SUDS3: variants seen among roughly 807,000 people sequenced by gnomAD.
The protein encoded by SUDS3 is SIN3A corepressor complex component SDS3, also known as sin3 histone deacetylase corepressor complex component SDS3.
SUDS3 carries 23 observed loss-of-function variants against 53.5 expected under a neutral mutation model. The ratio of observed to expected loss-of-function variants is 0.43; its 90% CI spans 0.31 to 0.61. The LOEUF (loss-of-function observed/expected upper bound fraction) is 0.61. SUDS3 is among the 20% of genes least tolerant of loss of function. SUDS3 has a pLI of 0.10. For missense variants in SUDS3, 291 were observed against 405.9 expected (o/e 0.72, Z 2.43); for synonymous variants, 150 against 148.5 (o/e 1.01, Z -0.08).
At chr12:118,406,611 TAG>T (rs1044100290) in intron 10 of SUDS3, among the ~76,000 whole-genome samples, 34 of 152,210 alleles carry the variant, frequency 2.2e-4, no homozygotes, top group African/African-American at 7.9e-4. Flanking sequence ...TACAAAGTAA[TAG>T]AGTCAGTTTG....
At chr12:118,378,703 T>G (rs183497644) in intron 1 of SUDS3, among the ~76,000 whole-genome samples, 31 of 152,088 alleles carry the variant, frequency 2.0e-4, no homozygotes, top group South Asian at 1.9e-3. Context: ...GAGATGGAGT[T>G]TCACTCTTGT....
chr12:118,383,206 G>A (rs960154480), intron 2 of SUDS3, among the ~76,000 whole-genome samples: 2 of 152,156 alleles, frequency 1.3e-5, no homozygotes, highest in Admixed American at 6.5e-5. Context: ...ATACCAAAAG[G>A]TTATTGTGCT....
intron 6 of SUDS3, among the ~76,000 whole-genome samples, chr12:118,395,312 G>A (rs1234484929): frequency 1.4e-5 from 2 of 138,852 alleles, no homozygotes; most frequent in Non-Finnish European, 3.0e-5. Context: ...TGCAAGCTCC[G>A]CCTCCCGGGT....
chr12:118,392,033 G>A (rs962779094), intron 6 of SUDS3, among the ~76,000 whole-genome samples: 7 of 152,240 alleles, frequency 4.6e-5, no homozygotes, highest in South Asian at 2.1e-4. Context: ...GTTGCCATAT[G>A]TAGACTGATG....
Position 118,387,872 on chromosome 12 carries a change from C to T in SUDS3, c.340+1687C>T, listed in dbSNP as rs576709698. On this transcript the variant is annotated intron_variant, in intron 4 of 11. Transcript: ENST00000543473. Reference sequence around the variant, plus strand: ...TGCCCGGCCCTCATGTGTTCTTTCACATTTCTCTCTCCTAGGTAAAAATGC... The same window carrying T: ...TGCCCGGCCCTCATGTGTTCTTTCATATTTCTCTCTCCTAGGTAAAAATGC... Among the ~76,000 whole-genome samples the T allele has an allele frequency of 1.6e-4, 24 of 152,254 alleles. No homozygotes were observed. In the South Asian group the frequency reaches 5.0e-3, roughly 32 times the overall value.
chr12:118,388,425 C>T lies in SUDS3; in HGVS notation c.341-1502C>T, dbSNP rs575426605. The stretch of plus-strand genomic sequence containing the variant: ...CCCTGGAGAATCTTTGTGGACTGTA[C>T]GCACAGCCCCCTGTCACCCAGGAAA... On this transcript the variant is annotated intron_variant, in intron 4 of 11. Transcript: ENST00000543473. Among the ~76,000 whole-genome samples, 81 of 152,246 alleles carry T rather than the reference C, an allele frequency of 5.3e-4. 1 individual carries two copies. Among genetic ancestry groups the T allele is most frequent in the South Asian group, 2.5e-3 (12 of 4,826 alleles).
chr12:118,394,968 A>T lies in SUDS3; in HGVS notation c.517+3686A>T, dbSNP rs547921946. Among the ~76,000 whole-genome samples, 33 of 152,274 alleles carry T rather than the reference A, an allele frequency of 2.2e-4. 1 individual carries two copies. The South Asian group carries it at 6.8e-3, about 32-fold the overall frequency. Reference sequence around the variant, plus strand: ...CCAAAGTGCTGGGATTACAGGAGTGAGCTACTACATCTGGCTTTTTTACTC... The same window carrying T: ...CCAAAGTGCTGGGATTACAGGAGTGTGCTACTACATCTGGCTTTTTTACTC... On this transcript the variant is annotated intron_variant, in intron 6 of 11. Transcript: ENST00000543473.
chr12:118,404,978 G>C (rs2046296915), intron 10 of SUDS3, among the ~76,000 whole-genome samples: 1 of 152,176 alleles, frequency 6.6e-6, no homozygotes, highest in African/African-American at 2.4e-5. Context: ...AGTAGATGCT[G>C]GAGGCTGGCT....
At chr12:118,401,576 A>G (rs2046262901) in intron 7 of SUDS3, among the ~76,000 whole-genome samples, 183 bp from the exon 8 acceptor site, 1 of 152,166 alleles carries the variant, frequency 6.6e-6, no homozygotes, top group Non-Finnish European at 1.5e-5. Context: ...GAATTCTTTT[A>G]TGTATTGAAG....
chr12:118,395,416 T>C (rs1037136052), intron 6 of SUDS3, among the ~76,000 whole-genome samples: 3 of 151,418 alleles, frequency 2.0e-5, no homozygotes, highest in African/African-American at 7.3e-5. Flanking sequence ...TTAGTAGTGA[T>C]GGGGTTTCAC....
At chr12:118,392,390 A>T (rs912727320) in intron 6 of SUDS3, among the ~76,000 whole-genome samples, 1 of 152,118 alleles carries the variant, frequency 6.6e-6, no homozygotes, top group Non-Finnish European at 1.5e-5. Flanking sequence ...AATCCTCATG[A>T]TACACTTAAG....
chr12:118,381,084 G>T (rs1445722838), intron 2 of SUDS3, among the ~76,000 whole-genome samples: 1 of 152,190 alleles, frequency 6.6e-6, no homozygotes, highest in Non-Finnish European at 1.5e-5. Flanking sequence ...GGGTTCTCAG[G>T]TGAGTGTAAA....
chr12:118,403,818 G>A (rs923076101), intron 10 of SUDS3, among the ~76,000 whole-genome samples: 2 of 152,108 alleles, frequency 1.3e-5, no homozygotes, highest in African/African-American at 4.8e-5. Context: ...TGGGGTGTAT[G>A]TCCCCCCTCT....
At chr12:118,411,398 C>T (rs146706840) in intron 11 of SUDS3, among the ~76,000 whole-genome samples, 71 of 152,272 alleles carry the variant, frequency 4.7e-4, no homozygotes, top group South Asian at 2.1e-3. Context: ...TGTGAACTCC[C>T]GGTACAGCTA....
rs1392775216 is a variant in SUDS3 at position 118,399,237 on chromosome 12, TCAGCCTGTAATCC to T, written c.518-1417_518-1405del. Among the ~76,000 whole-genome samples the T allele has an allele frequency of 3.3e-5, 5 of 152,078 alleles. 1 individual carries two copies. In the East Asian group the frequency reaches 5.8e-4, roughly 18 times the overall value. ...TAAGAAGATGGCTGGGTGTGGTGAC[TCAGCCTGTAATCC>T]CAGCACTTTGAGAGGCTGAGGAGGG... On this transcript the variant is annotated intron_variant, in intron 6 of 11. Transcript: ENST00000543473.
At chr12:118,409,887 C>G (rs2046343375) in intron 10 of SUDS3, among the ~76,000 whole-genome samples, 1 of 152,258 alleles carries the variant, frequency 6.6e-6, no homozygotes, top group African/African-American at 2.4e-5. Flanking sequence ...ACTTCACTTT[C>G]ATCCTTGGCC....
At chr12:118,393,153 A>G (rs521048) in intron 6 of SUDS3, among the ~76,000 whole-genome samples, 122,528 of 152,118 alleles carry the variant, frequency 0.81, 49,977 homozygotes, top group African/African-American at 0.93. Context: ...AGGGTAATTA[A>G]CATTTCCACA....
At chr12:118,399,972 G>A (rs956947183) in intron 6 of SUDS3, among the ~76,000 whole-genome samples, 3 of 152,100 alleles carry the variant, frequency 2.0e-5, no homozygotes, top group Non-Finnish European at 2.9e-5. Flanking sequence ...GCAGACAAGC[G>A]AACCCCGAGG....
chr12:118,403,541 T>C (rs1340514858), intron 10 of SUDS3, 24 bp downstream of exon 10: 23 of 1,584,080 alleles, frequency 1.5e-5, no homozygotes, highest in Non-Finnish European at 2.0e-5. Context: ...AAACCTGGAC[T>C]AGTAAGAGTC....
Sources: gnomAD v4.1 joint callset for allele counts (sites outside exome capture counted in the v4.1 genomes callset) on GRCh38, gnomAD v4.1.1 for gene constraint, MANE v1.5 for transcripts, NCBI Gene and HGNC (gene_info 2026-07-23, HGNC 2026-07-21) for gene names.